The following RBFOX1 variants were observed in gnomAD, a reference collection of about 807,000 sequenced individuals.
RBFOX1 encodes RNA binding protein fox-1 homolog 1.
A neutral mutation model predicts 57.7 loss-of-function variants in RBFOX1; 8 were observed. The observed-to-expected ratio is 0.14, with a 90% CI of 0.08 to 0.25. RBFOX1 has a LOEUF of 0.25. Among genes scored for constraint, RBFOX1 ranks in the 10% least tolerant of loss-of-function variants. RBFOX1 has a pLI of 1.00. For synonymous variants in RBFOX1, 326 were observed against 222.4 expected (o/e 1.47, Z -4.15); for missense variants, 611 against 548.5 (o/e 1.11, Z -1.14).
chr16:6,280,173 G>A (rs1365240026), intron 1 of RBFOX1, among the ~76,000 whole-genome samples: 14 of 152,158 alleles, frequency 9.2e-5, no homozygotes, highest in African/African-American at 3.4e-4. Flanking sequence ...AGAGGTAGAG[G>A]AAGCTACAGG....
chr16:6,984,459 A>G (rs987805202), intron 3 of RBFOX1, among the ~76,000 whole-genome samples: 7 of 152,096 alleles, frequency 4.6e-5, no homozygotes, highest in African/African-American at 1.7e-4. Context: ...ATATATCCCT[A>G]TGGATGAAGC....
chr16:7,523,727 C>A (rs1002278356), intron 5 of RBFOX1, among the ~76,000 whole-genome samples: 4 of 152,124 alleles, frequency 2.6e-5, no homozygotes, highest in African/African-American at 9.7e-5. Context: ...GTGCGGGAAT[C>A]ATAAAGGGGC....
At chr16:5,322,529 C>T (rs1368659801) in intron 1 of RBFOX1, among the ~76,000 whole-genome samples, 2 of 152,114 alleles carry the variant, frequency 1.3e-5, no homozygotes, top group African/African-American at 4.8e-5. Flanking sequence ...CTTCTTTAAT[C>T]CTCCGGCAAG....
chr16:5,551,066 C>G (rs1022717389), intron 2 of RBFOX1, among the ~76,000 whole-genome samples: 2 of 152,132 alleles, frequency 1.3e-5, no homozygotes, highest in African/African-American at 4.8e-5. Flanking sequence ...GTCCTAAATA[C>G]CCACTGCATG....
Position 6,693,430 on chromosome 16 carries a change from A to G in RBFOX1, c.-16+38780A>G, listed in dbSNP as rs529129335. The stretch of plus-strand genomic sequence containing the variant: ...ACTACCATCACCACTATCATTATCA[A>G]CATCCTCCTTCACTACCATCACCAC... On this transcript the variant is annotated intron_variant, in intron 3 of 15. Coordinates refer to ENST00000550418, the MANE Select transcript of RBFOX1 (RefSeq NM_018723.4). Among the ~76,000 whole-genome samples, 535 of 129,128 alleles carry G rather than the reference A, an allele frequency of 4.1e-3. 3 individuals carry two copies. In the Middle Eastern group the frequency reaches 0.051, roughly 12 times the overall value. The allele number at this position is 129,128 out of a possible 152,430, so 84.7% of individuals were successfully genotyped here. A position where few individuals can be genotyped will look rare whatever the true frequency, so the allele number is the denominator to read the frequency against.
At chr16:7,214,044 G>T (rs991315292) in intron 4 of RBFOX1, among the ~76,000 whole-genome samples, 1 of 151,490 alleles carries the variant, frequency 6.6e-6, no homozygotes, top group South Asian at 2.1e-4. Context: ...CCTAGAAACT[G>T]GTCCTTTCTG....
intron 4 of RBFOX1, among the ~76,000 whole-genome samples, chr16:7,258,211 G>A (rs1231462158): frequency 6.6e-6 from 1 of 152,212 alleles, no homozygotes; most frequent in East Asian, 1.9e-4. Context: ...AGAGAGGCAT[G>A]TATGCACACC....
chr16:7,678,739 C>G (rs1471652933), intron 14 of RBFOX1, among the ~76,000 whole-genome samples: 2 of 152,142 alleles, frequency 1.3e-5, no homozygotes, highest in Non-Finnish European at 2.9e-5. Context: ...TCTGGCCATC[C>G]CTACTTGCAT....
chr16:7,300,951 G>A (rs916095075), intron 4 of RBFOX1, among the ~76,000 whole-genome samples: 1 of 152,286 alleles, frequency 6.6e-6, no homozygotes, highest in East Asian at 1.9e-4. Context: ...CCCATGTGAT[G>A]TTGAATGTCT....
intron 2 of RBFOX1, among the ~76,000 whole-genome samples, chr16:6,504,018 C>T (rs537040200): frequency 1.2e-4 from 18 of 152,294 alleles, no homozygotes; most frequent in South Asian, 2.1e-4. Context: ...TTTGCTTATA[C>T]GTATGCATCT....
intron 4 of RBFOX1, among the ~76,000 whole-genome samples, chr16:7,238,173 A>C (rs946801465): frequency 6.6e-5 from 10 of 152,278 alleles, no homozygotes; most frequent in Non-Finnish European, 1.5e-4. Flanking sequence ...GGTCGTTACC[A>C]AGGGCTGGGA....
Position 7,079,823 on chromosome 16 carries a change from T to G in RBFOX1, c.27+27725T>G, listed in dbSNP as rs139714246. Among the ~76,000 whole-genome samples the G allele has an allele frequency of 1.5e-3, 231 of 152,102 alleles. 1 individual carries two copies. Among genetic ancestry groups the G allele is most frequent in the African/African-American group, 5.4e-3 (226 of 41,492 alleles). ...GATTTGTGTGCTTTAACCCCATGGT[T>G]GCTAGTGGCTGTAGGGTGATAATGG... On this transcript the variant is annotated intron_variant, in intron 4 of 15. Coordinates refer to ENST00000550418, the MANE Select transcript of RBFOX1 (RefSeq NM_018723.4).
intron 3 of RBFOX1, among the ~76,000 whole-genome samples, chr16:5,769,910 G>A (rs1185481604): frequency 2.6e-5 from 4 of 152,192 alleles, no homozygotes; most frequent in Admixed American, 6.5e-5. Flanking sequence ...CATGCAGGAT[G>A]TTGGGGGCAA....
intron 4 of RBFOX1, among the ~76,000 whole-genome samples, chr16:7,054,948 C>G (rs564579275): frequency 6.6e-6 from 1 of 152,100 alleles, no homozygotes; most frequent in Non-Finnish European, 1.5e-5. Context: ...TGTTTTGTGC[C>G]CCATCGAGGC....
At chr16:6,262,871 A>C (rs999297587) in intron 1 of RBFOX1, among the ~76,000 whole-genome samples, 1 of 152,154 alleles carries the variant, frequency 6.6e-6, no homozygotes, top group Non-Finnish European at 1.5e-5. Flanking sequence ...ACCCTCATGG[A>C]AATAACAGAT....
In RBFOX1 at chr16:7,700,605, G is replaced by C. The variant is rs112275683; in HGVS notation, c.996-8451G>C. On this transcript the variant is annotated intron_variant, in intron 14 of 15. Coordinates refer to ENST00000550418, the MANE Select transcript of RBFOX1 (RefSeq NM_018723.4). ...TCTTAGTGATTTTGGTAGAGCAGGA[G>C]TAGACAAACAAAGGAGAAATGAAAT... Among the ~76,000 whole-genome samples the C allele has an allele frequency of 2.6e-5, 4 of 152,214 alleles. No individual in the cohort carries two copies. The East Asian group carries it at 7.7e-4, about 29-fold the overall frequency.
intron 1 of RBFOX1, among the ~76,000 whole-genome samples, chr16:5,316,021 C>T (rs1164937097): frequency 9.9e-5 from 15 of 152,162 alleles, no homozygotes; most frequent in Non-Finnish European, 1.5e-5. Context: ...TACCAGAGAC[C>T]TCCCCCGCCC....
chr16:5,485,345 C>CTAAAAAAAAAAAAAA (rs2069692090), intron 2 of RBFOX1, among the ~76,000 whole-genome samples: 1 of 51,692 alleles, frequency 1.9e-5, no homozygotes, highest in Non-Finnish European at 3.5e-5. Context: ...GACTCCGTGT[C>CTAAAAAAAAAAAAAA]AAAAAAAAAA....
At chr16:6,003,210 C>T (rs945693282) in intron 4 of RBFOX1, among the ~76,000 whole-genome samples, 6 of 144,538 alleles carry the variant, frequency 4.2e-5, no homozygotes, top group South Asian at 4.5e-4. Context: ...AACTGGGAGG[C>T]GGAGCTTCCG....
Sources: allele counts gnomAD v4.1 joint callset (sites outside exome capture counted in the v4.1 genomes callset), GRCh38; gene constraint gnomAD v4.1.1; transcripts MANE v1.5; gene names NCBI Gene and HGNC (gene_info 2026-07-23, HGNC 2026-07-21).